Variants in KDM3A observed in about 807,000 individuals in gnomAD.
KDM3A encodes the protein lysine-specific demethylase 3A.
Under a neutral mutation model 158.0 loss-of-function variants are expected in KDM3A, and 60 were observed. The observed-to-expected ratio is 0.38, with a 90% confidence interval of 0.31 to 0.47. The LOEUF (loss-of-function observed/expected upper bound fraction) is 0.47, where lower values mean the gene tolerates loss of function less well. Among genes scored for constraint, KDM3A ranks in the 20% least tolerant of loss-of-function variants. The probability of loss-of-function intolerance (pLI) is 0.99; values close to 1 mark genes in which losing one functional copy is unlikely to be tolerated. For synonymous variants in KDM3A, 608 were observed against 549.3 expected, an observed-to-expected ratio of 1.11 and a Z score of -1.49; for missense variants, 1,319 against 1,574.3, an observed-to-expected ratio of 0.84 and a Z score of 2.74.
intron 17 of KDM3A, 86 bp from the exon 18 acceptor site, chr2:86,482,372 A>T: frequency 1.3e-6 from 2 of 1,548,242 alleles, no homozygotes; most frequent in Non-Finnish European, 1.7e-6. Flanking sequence ...TCTTCTGGAT[A>T]TGTAATCTAT....
intron 4 of KDM3A, among the ~76,000 whole-genome samples, chr2:86,451,768 T>C (rs959738700): frequency 1.3e-5 from 2 of 152,208 alleles, no homozygotes; most frequent in African/African-American, 2.4e-5. Flanking sequence ...TTCCTCAATG[T>C]TAGCTTTTAG....
At chr2:86,445,172 A>G (rs1682906223) in intron 2 of KDM3A, among the ~76,000 whole-genome samples, 1 of 152,188 alleles carries the variant, frequency 6.6e-6, no homozygotes, top group Non-Finnish European at 1.5e-5. Context: ...CTATATCCCT[A>G]GCACCGAGAA....
chr2:86,482,202 C>T (rs1250077625), intron 17 of KDM3A, 100 bp downstream of exon 17: 7 of 1,342,110 alleles, frequency 5.2e-6, no homozygotes, highest in Non-Finnish European at 7.4e-6. Context: ...GACTGAATCA[C>T]ATACTTACCT....
Position 86,482,012 on chromosome 2 carries a change from C to T in KDM3A, c.2595C>T (p.Val865=). ...PLPPLSKSST[V]LHTFNSTILT... is the part of the protein sequence containing the mutation. Reference sequence around the variant, plus strand: ...CACCTTTAAGCAAATCCAGCACAGTCCTCCATACGTTTAACAGCACAATTT... The same window carrying T: ...CACCTTTAAGCAAATCCAGCACAGTTCTCCATACGTTTAACAGCACAATTT... Residue 865 remains valine, a synonymous_variant, in exon 17 of 26, where the codon GTC becomes GTT. Coordinates refer to ENST00000312912, the MANE Select transcript of KDM3A (RefSeq NM_018433.6). The T allele has an allele frequency of 1.9e-6, 3 of 1,614,016 alleles. No individual in the cohort carries two copies. Among genetic ancestry groups the T allele is most frequent in the Non-Finnish European group, 2.5e-6 (3 of 1,179,844 alleles).
At chr2:86,488,492 G>A (rs1411705505) in intron 21 of KDM3A, 1 of 152,206 alleles carries the variant, frequency 6.6e-6, no homozygotes, top group African/African-American at 2.4e-5. Flanking sequence ...CAGGGCTCTG[G>A]GGGCCCTGGT....
At chr2:86,463,841 A>G (rs1673023321) in intron 8 of KDM3A, among the ~76,000 whole-genome samples, 1 of 152,248 alleles carries the variant, frequency 6.6e-6, no homozygotes, top group African/African-American at 2.4e-5. Flanking sequence ...TTGTAGGAAG[A>G]CATAAGTTTT....
intron 4 of KDM3A, among the ~76,000 whole-genome samples, chr2:86,451,880 G>A (rs1323333702): frequency 6.6e-6 from 1 of 152,146 alleles, no homozygotes; most frequent in African/African-American, 2.4e-5. Context: ...TTTAAAAGTA[G>A]ACCGTTGTTT....
rs1336367902 is a variant in KDM3A at position 86,456,423 on chromosome 2, T to TG, written c.557-19_557-18insG. On this transcript the variant is annotated intron_variant, in intron 5 of 25. Transcript: ENST00000312912. ...AATGCAAATTGCTCTAAGATTTTTTTTTTTTTTTTTTTTTTAAGGTGACAA... is the reference window on the plus strand; with the variant it reads ...AATGCAAATTGCTCTAAGATTTTTTTGTTTTTTTTTTTTTTTAAGGTGACAA... The TG allele has an allele frequency of 7.1e-7, 1 of 1,408,394 alleles. No individual in the cohort carries two copies. The highest frequency in any genetic ancestry group is 9.4e-7 in the Non-Finnish European group (1 of 1,063,380). 87.2% of individuals were successfully genotyped at this position (1,408,394 alleles called of 1,614,324 possible).
chr2:86,473,419 G>A (rs929237239), intron 11 of KDM3A, among the ~76,000 whole-genome samples: 5 of 152,092 alleles, frequency 3.3e-5, no homozygotes, highest in Non-Finnish European at 7.4e-5. Flanking sequence ...AAAGTGCTGT[G>A]ATTACAGTGA....
chr2:86,466,430 G>A lies in KDM3A; in HGVS notation c.1066G>A (p.Ala356Thr). Residue 356 changes from alanine (A) to threonine (T), a missense_variant, in exon 10 of 26, where the codon GCT becomes ACT. By Grantham distance (58) the Ala-to-Thr change is moderately conservative. Around this residue, in one of 4 missense-constraint regions of KDM3A, gnomAD observed 652 missense variants for 627.2 expected, o/e 1.04. Coordinates refer to ENST00000312912, the MANE Select transcript of KDM3A (RefSeq NM_018433.6). ...TTCCTGTCTAAATACAAAGTCTGAA[G>A]CTCTGAGAACAAAACCAGATGTCTG... ...ISSCLNTKSEALRTKPDVCKA... is the reference protein window; with the variant it reads ...ISSCLNTKSETLRTKPDVCKA... 6.2e-7 allele frequency: 1 copy of A among 1,613,780 alleles called. No individual in the cohort carries two copies. Among genetic ancestry groups the A allele is most frequent in the South Asian group, 1.1e-5 (1 of 91,074 alleles).
intron 11 of KDM3A, among the ~76,000 whole-genome samples, chr2:86,474,050 G>C (rs1359873948): frequency 1.3e-5 from 2 of 152,156 alleles, no homozygotes; most frequent in African/African-American, 4.8e-5. Context: ...AGCAGTAGTT[G>C]TATTTAAATC....
chr2:86,438,409 G>C (rs751410130), upstream of KDM3A, among the ~76,000 whole-genome samples: 1 of 152,050 alleles, frequency 6.6e-6, no homozygotes, highest in Non-Finnish European at 1.5e-5. Context: ...GGAGGAATAA[G>C]TTCAAATGAT....
At chr2:86,452,015 TC>T (rs1425579352) in intron 4 of KDM3A, among the ~76,000 whole-genome samples, 1 of 152,198 alleles carries the variant, frequency 6.6e-6, no homozygotes, top group African/African-American at 2.4e-5. Flanking sequence ...TAACCCCAAA[TC>T]AATACTTGTG....
chr2:86,491,119 T>A, intron 24 of KDM3A, 22 bp from the exon 25 acceptor site: 1 of 1,613,782 alleles, frequency 6.2e-7, no homozygotes, highest in Non-Finnish European at 8.5e-7. Context: ...TTGTTACTGA[T>A]ATATTACTTG....
intron 10 of KDM3A, among the ~76,000 whole-genome samples, chr2:86,468,375 C>T (rs899315475): frequency 1.3e-5 from 2 of 152,150 alleles, no homozygotes; most frequent in African/African-American, 4.8e-5. Flanking sequence ...GTTTTTGAAT[C>T]ATCAGCTCTC....
chr2:86,470,439 C>G, intron 11 of KDM3A, 31 bp downstream of exon 11: 3 of 1,573,042 alleles, frequency 1.9e-6, no homozygotes, highest in Non-Finnish European at 2.6e-6. Context: ...TTCAGATAAT[C>G]TGGGCATACT....
At chr2:86,463,047 C>CACCA (rs1672988912) in intron 8 of KDM3A, among the ~76,000 whole-genome samples, 9 of 152,094 alleles carry the variant, frequency 5.9e-5, no homozygotes, top group Admixed American at 5.9e-4. Flanking sequence ...ACCAAGATGG[C>CACCA]GCTGCTGCAC....
At chr2:86,457,221 C>T (rs1260491624) in intron 8 of KDM3A, 150 bp downstream of exon 8, 1 of 306,822 alleles carries the variant, frequency 3.3e-6, no homozygotes. Flanking sequence ...AGTGGTGCAA[C>T]CAGAGCTTAC....
chr2:86,450,292 G>C (rs1040258257), intron 3 of KDM3A, among the ~76,000 whole-genome samples: 1 of 152,142 alleles, frequency 6.6e-6, no homozygotes, highest in African/African-American at 2.4e-5. Flanking sequence ...AAAAAATGTG[G>C]AGAATACATC....
Sources: allele counts gnomAD v4.1 joint callset (sites outside exome capture counted in the v4.1 genomes callset), GRCh38; gene constraint gnomAD v4.1.1; regional missense constraint gnomAD v4.1.1; transcripts MANE v1.5; gene names NCBI Gene and HGNC (gene_info 2026-07-23, HGNC 2026-07-21).